Variants in C10orf143 observed in about 807,000 individuals in gnomAD.
C10orf143 encodes uncharacterized protein C10orf143.
At chr10:130,067,859 T>C (rs930759929) in intron 3 of C10orf143, 1 of 152,206 alleles carries the variant, frequency 6.6e-6, no homozygotes, top group Non-Finnish European at 1.5e-5. Context: ...GTACCAGTCA[T>C]AGCCCCAACA....
At chr10:130,036,286 A>C (rs1860544250) in intron 3 of C10orf143, among the ~76,000 whole-genome samples, 3 of 152,174 alleles carry the variant, frequency 2.0e-5, no homozygotes, top group Admixed American at 1.3e-4. Flanking sequence ...TCTGACGAGG[A>C]GCCCATCTGG....
At chr10:130,104,542 A>G (rs1287440314) in intron 1 of C10orf143, 4 of 152,264 alleles carry the variant, frequency 2.6e-5, no homozygotes, top group African/African-American at 4.8e-5. Context: ...AGAAATACAC[A>G]GAGAGGCAGA....
chr10:130,060,716 G>A (rs979278310), downstream of C10orf143, among the ~76,000 whole-genome samples: 1 of 151,550 alleles, frequency 6.6e-6, no homozygotes, highest in Non-Finnish European at 1.5e-5. Context: ...CCCAGCTATC[G>A]GGAGGCTGAG....
chr10:130,038,614 G>T (rs1208490592), intron 3 of C10orf143, among the ~76,000 whole-genome samples: 1 of 152,134 alleles, frequency 6.6e-6, no homozygotes, highest in East Asian at 1.9e-4. Flanking sequence ...GATGTAAAGG[G>T]ACTGCCAGGA....
intron 1 of C10orf143, among the ~76,000 whole-genome samples, chr10:130,086,046 A>G (rs1861286261): frequency 6.6e-6 from 1 of 152,232 alleles, no homozygotes; most frequent in African/African-American, 2.4e-5. Flanking sequence ...TTCATATCCT[A>G]GACACCCTAG....
intron 3 of C10orf143, among the ~76,000 whole-genome samples, chr10:130,045,029 G>A (rs1267573522): frequency 1.3e-5 from 2 of 152,108 alleles, no homozygotes; most frequent in African/African-American, 2.4e-5. Flanking sequence ...CCTCCCTACC[G>A]GCCCCTCCTG....
At chr10:130,067,450 T>A (rs1314208805) in intron 3 of C10orf143, 1 of 152,200 alleles carries the variant, frequency 6.6e-6, no homozygotes, top group Non-Finnish European at 1.5e-5. Context: ...CTGAAGCCAT[T>A]TTTCCTTAAT....
intron 3 of C10orf143, among the ~76,000 whole-genome samples, chr10:130,037,016 G>T (rs1384697788): frequency 1.3e-5 from 2 of 152,182 alleles, no homozygotes; most frequent in Non-Finnish European, 2.9e-5. Flanking sequence ...CTATGGATGA[G>T]GCTGGCTCCT....
At chr10:130,043,721 T>C (rs1860633538) in intron 3 of C10orf143, among the ~76,000 whole-genome samples, 2 of 152,222 alleles carry the variant, frequency 1.3e-5, no homozygotes, top group Admixed American at 6.5e-5. Flanking sequence ...GGTGTGGTCT[T>C]CCAGAAGTTG....
intron 1 of C10orf143, among the ~76,000 whole-genome samples, chr10:130,089,316 T>C (rs1306704523): frequency 6.6e-6 from 1 of 152,246 alleles, no homozygotes; most frequent in Non-Finnish European, 1.5e-5. Context: ...GTTATGCACA[T>C]TTACTTGCAA....
intron 1 of C10orf143, chr10:130,108,146 C>T (rs747998956): frequency 7.7e-5 from 121 of 1,570,256 alleles, no homozygotes; most frequent in East Asian, 6.7e-4. Context: ...CAGAGGTCCA[C>T]TGTTTCCAGT....
At chr10:130,055,304 A>C (rs1279649167) in intron 3 of C10orf143, among the ~76,000 whole-genome samples, 2 of 152,262 alleles carry the variant, frequency 1.3e-5, no homozygotes, top group Non-Finnish European at 2.9e-5. Flanking sequence ...GAAGCAATCA[A>C]GAGTGAAAAG....
At chr10:130,061,414 T>A (rs1860856520), downstream of C10orf143, among the ~76,000 whole-genome samples, 1 of 152,234 alleles carries the variant, frequency 6.6e-6, no homozygotes, top group African/African-American at 2.4e-5. Context: ...TGTTAACACA[T>A]CTTTGTTAAC....
At chr10:130,035,993 G>A (rs551645357) in intron 3 of C10orf143, 1 of 152,206 alleles carries the variant, frequency 6.6e-6, no homozygotes, top group Non-Finnish European at 1.5e-5. Context: ...GAGGGATAGT[G>A]AGCTCTCTGG....
At chr10:130,046,726 G>A (rs542217392) in intron 3 of C10orf143, among the ~76,000 whole-genome samples, 104 of 152,346 alleles carry the variant, frequency 6.8e-4, no homozygotes, top group Admixed American at 2.5e-3. Flanking sequence ...GAGGGGCCTT[G>A]GGCCATGCAC....
chr10:130,106,369 A>G (rs1272715474), intron 1 of C10orf143: 2 of 1,602,070 alleles, frequency 1.2e-6, no homozygotes, highest in South Asian at 2.2e-5. Context: ...ACTATGAAGT[A>G]GCGTCATCGT....
At position 130,079,548 on chromosome 10, in the gene C10orf143, G is replaced by GA. The variant is rs1312286819; in HGVS notation, c.297+17dup. Reference sequence around the variant, plus strand: ...AAGTCTATCTTTTATGTCACAGCAAGAAGGTTAATGCACTTACAGATTCCC... The same window carrying GA: ...AAGTCTATCTTTTATGTCACAGCAAGAAAGGTTAATGCACTTACAGATTCCC... On this transcript the variant is annotated intron_variant, in intron 3 of 3. Transcript: ENST00000637128. 1.3e-5 allele frequency: 5 copies of GA among 398,922 alleles called. No homozygotes were observed. Among genetic ancestry groups the GA allele is most frequent in the African/African-American group, 1.0e-4 (5 of 48,638 alleles). The allele number at this position is 398,922 out of a possible 1,614,324, so 24.7% of individuals were successfully genotyped here.
intron 1 of C10orf143, among the ~76,000 whole-genome samples, chr10:130,083,912 T>C (rs563148527): frequency 2.6e-5 from 4 of 152,036 alleles, no homozygotes; most frequent in South Asian, 4.2e-4. Context: ...AACCAAGACA[T>C]AGGGGGAGAG....
chr10:130,074,510 G>A (rs529547423), intron 3 of C10orf143, among the ~76,000 whole-genome samples: 2 of 152,208 alleles, frequency 1.3e-5, no homozygotes, highest in Admixed American at 6.5e-5. Context: ...TCTGTTCATC[G>A]ATATCAGAAC....
Sources: allele counts gnomAD v4.1 joint callset (sites outside exome capture counted in the v4.1 genomes callset), GRCh38; gene constraint gnomAD v4.1.1; transcripts MANE v1.5; gene names NCBI Gene and HGNC (gene_info 2026-07-23, HGNC 2026-07-21).